Variants in DENND2B observed in about 807,000 individuals in gnomAD.
DENND2B encodes the protein DENN domain-containing protein 2B.
In DENND2B, 32 loss-of-function variants were observed where a neutral mutation model predicts 116.0. The ratio of observed to expected loss-of-function variants is 0.28; its 90% CI spans 0.21 to 0.37. DENND2B has a LOEUF of 0.37. Ranked by LOEUF, DENND2B falls within the 10% of genes least tolerant of loss-of-function variation. DENND2B has a pLI of 1.00. For synonymous variants in DENND2B, 588 were observed against 583.9 expected, an observed-to-expected ratio of 1.01 and a Z score of -0.10; for missense variants, 1,276 against 1,477.7, an observed-to-expected ratio of 0.86 and a Z score of 2.24.
intron 1 of DENND2B, among the ~76,000 whole-genome samples, chr11:8,889,077 G>T (rs2063994536): frequency 6.6e-6 from 1 of 152,084 alleles, no homozygotes; most frequent in South Asian, 2.1e-4. Context: ...TCAACCATGG[G>T]TATATACCCA....
intron 3 of DENND2B, among the ~76,000 whole-genome samples, chr11:8,843,763 T>C (rs1401697561): frequency 6.6e-6 from 1 of 152,190 alleles, no homozygotes; most frequent in Non-Finnish European, 1.5e-5. Context: ...TTGATCCTGA[T>C]ATTCTCTACC....
At chr11:8,764,003 C>G (rs1451730963) in intron 1 of DENND2B, among the ~76,000 whole-genome samples, 2 of 152,064 alleles carry the variant, frequency 1.3e-5, no homozygotes, top group African/African-American at 4.8e-5. Context: ...GTGGGTGGAT[C>G]ACTTGAGGTC....
chr11:8,811,421 T>C (rs1469078523), upstream of DENND2B: 2 of 397,726 alleles, frequency 5.0e-6, no homozygotes. Context: ...ACAAACCTGA[T>C]ACAAATACAG....
chr11:8,735,541 G>A (rs979486883), intron 2 of DENND2B, among the ~76,000 whole-genome samples: 2 of 152,260 alleles, frequency 1.3e-5, no homozygotes, highest in African/African-American at 4.8e-5. Flanking sequence ...CGTATCATTG[G>A]CCCATCCCAT....
intron 1 of DENND2B, among the ~76,000 whole-genome samples, chr11:8,909,037 T>C (rs986089802): frequency 2.0e-5 from 3 of 151,954 alleles, no homozygotes; most frequent in Non-Finnish European, 2.9e-5. Flanking sequence ...AAATACTAGA[T>C]GCACCTTAAA....
At chr11:8,872,536 C>T (rs2063799542), upstream of DENND2B, among the ~76,000 whole-genome samples, 2 of 147,310 alleles carry the variant, frequency 1.4e-5, no homozygotes, top group African/African-American at 2.5e-5. Context: ...AATAATTTAA[C>T]TTGGTCAAGA....
chr11:8,840,090 C>T (rs1314012465), intron 3 of DENND2B, among the ~76,000 whole-genome samples: 2 of 151,894 alleles, frequency 1.3e-5, no homozygotes, highest in Non-Finnish European at 1.5e-5. Flanking sequence ...GGAAATCCCC[C>T]GCCCAATGCC....
intron 4 of DENND2B, among the ~76,000 whole-genome samples, chr11:8,835,101 G>A (rs1311961833): frequency 2.6e-5 from 4 of 152,008 alleles, no homozygotes; most frequent in Non-Finnish European, 5.9e-5. Flanking sequence ...AAAATTAGCC[G>A]GGCATGGCGG....
chr11:8,702,602 C>T lies in DENND2B; in HGVS notation c.2690G>A (p.Arg897His), dbSNP rs2041909489. Residue 897 changes from arginine to histidine, a missense_variant, in exon 14 of 20, where the codon CGC becomes CAC. Around this residue, in one of 2 missense-constraint regions of DENND2B, gnomAD observed 420 missense variants for 631.1 expected, o/e 0.67. Transcript: ENST00000313726. This position sits in a 1 kb window ranked among gnomAD's most constrained non-coding sequence, Gnocchi z 4.6. ...CTTATCTGCCACAAAAATGACCCGG[C>T]GCTCCAGCAGCAGTGAGGCAAAGAT... is the stretch of plus-strand genomic sequence containing the variant. ...IRIFASLLLE[R>H]RVIFVADKLS... The T allele has an allele frequency of 2.5e-6, 4 of 1,613,410 alleles. No individual in the cohort carries two copies. The highest frequency in any genetic ancestry group is 2.5e-6 in the Non-Finnish European group (3 of 1,180,024).
chr11:8,901,648 T>G (rs1175759347), intron 1 of DENND2B, among the ~76,000 whole-genome samples: 1 of 152,222 alleles, frequency 6.6e-6, no homozygotes, highest in African/African-American at 2.4e-5. Flanking sequence ...TCATACATTT[T>G]GATATATCAC....
chr11:8,715,959 C>A (rs1565695970), intron 5 of DENND2B, 141 bp from the exon 6 acceptor site: 3 of 731,106 alleles, frequency 4.1e-6, no homozygotes, highest in Non-Finnish European at 6.5e-6. Context: ...CCATCCCTCT[C>A]TTAAGACTTT....
chr11:8,883,248 C>A (rs534397511), intron 1 of DENND2B, among the ~76,000 whole-genome samples: 1 of 152,150 alleles, frequency 6.6e-6, no homozygotes, highest in Non-Finnish European at 1.5e-5. Context: ...GAATATATGA[C>A]CCATATAAAA....
intron 2 of DENND2B, among the ~76,000 whole-genome samples, chr11:8,876,912 G>T (rs2063848181): frequency 6.6e-6 from 1 of 150,802 alleles, no homozygotes; most frequent in Non-Finnish European, 1.5e-5. Context: ...GAAAAGAAAA[G>T]AAAGTAATAA....
At chr11:8,705,158 C>T (rs1347974982) in intron 13 of DENND2B, among the ~76,000 whole-genome samples, 2 of 152,210 alleles carry the variant, frequency 1.3e-5, no homozygotes, top group African/African-American at 4.8e-5. Flanking sequence ...GCTCCTGCAG[C>T]TCAAACCTCT....
In DENND2B at chr11:8,762,419, C is replaced by T. The variant is rs543184860; in HGVS notation, c.-25-11694G>A. Among the ~76,000 whole-genome samples the T allele has an allele frequency of 3.3e-5, 5 of 152,336 alleles. No individual in the cohort carries two copies. The South Asian group carries it at 1.0e-3, about 32-fold the overall frequency. ...CACAGTCCAGGCCCATCTCTAGTTA[C>T]CTCTGGCCTTCCCAGTGAAGGGTCT... On this transcript the variant is annotated intron_variant, in intron 1 of 19. Coordinates refer to ENST00000313726, the MANE Select transcript of DENND2B (RefSeq NM_213618.2).
At chr11:8,817,683 T>C (rs2134531692) in intron 4 of DENND2B, among the ~76,000 whole-genome samples, 1 of 152,254 alleles carries the variant, frequency 6.6e-6, no homozygotes, top group East Asian at 1.9e-4. Context: ...CCAGCCCTAG[T>C]TCACCTCCGC....
upstream of DENND2B, among the ~76,000 whole-genome samples, chr11:8,876,222 T>C (rs1363362130): frequency 2.0e-5 from 3 of 151,828 alleles, no homozygotes; most frequent in Non-Finnish European, 4.4e-5. Context: ...CCCATCTCTA[T>C]ATTATACTAA....
At chr11:8,763,623 C>A (rs2055075786) in intron 1 of DENND2B, among the ~76,000 whole-genome samples, 1 of 148,768 alleles carries the variant, frequency 6.7e-6, no homozygotes, top group South Asian at 2.2e-4. Context: ...GAGCCAGAAA[C>A]CAAGAATACA....
At chr11:8,773,763 C>A (rs1847253349) in intron 1 of DENND2B, among the ~76,000 whole-genome samples, 1 of 152,118 alleles carries the variant, frequency 6.6e-6, no homozygotes, top group Admixed American at 6.5e-5. Context: ...TTCCCCACCC[C>A]CAATGAATTC....
Sources: allele counts gnomAD v4.1 joint callset (sites outside exome capture counted in the v4.1 genomes callset), GRCh38; gene constraint gnomAD v4.1.1; regional missense constraint gnomAD v4.1.1; non-coding constraint Gnocchi (gnomAD v3.1); transcripts MANE v1.5; gene names NCBI Gene and HGNC (gene_info 2026-07-23, HGNC 2026-07-21).